Variants in SYN2 observed in about 807,000 individuals in gnomAD.
SYN2 encodes synapsin II, also known as synapsin-2.
SYN2 carries 19 observed loss-of-function variants against 50.9 expected under a neutral mutation model. The observed-to-expected ratio is 0.37, with a 90% CI of 0.26 to 0.55. The LOEUF is 0.55. Ranked by LOEUF, SYN2 falls within the 20% of genes least tolerant of loss-of-function variation. The pLI, the probability that SYN2 is intolerant of heterozygous loss-of-function variation, is 0.81. For missense variants in SYN2, 587 were observed against 576.4 expected, an observed-to-expected ratio of 1.02 and a Z score of -0.19; for synonymous variants, 255 against 224.9, an observed-to-expected ratio of 1.13 and a Z score of -1.20.
intron 1 of SYN2, among the ~76,000 whole-genome samples, chr3:12,139,740 A>G (rs1696973935): frequency 1.3e-5 from 2 of 152,224 alleles, no homozygotes; most frequent in South Asian, 4.1e-4. Flanking sequence ...AATTTCAAGC[A>G]CTGGAAAAGC....
At chr3:12,097,608 CA>C (rs35095165) in intron 1 of SYN2, among the ~76,000 whole-genome samples, 271 of 94,700 alleles carry the variant, frequency 2.9e-3, no homozygotes, top group Middle Eastern at 0.013. Flanking sequence ...TCCATCTCAA[CA>C]AAAAAAAAAA....
intron 1 of SYN2, among the ~76,000 whole-genome samples, chr3:12,013,835 G>A (rs1246175525): frequency 2.0e-5 from 3 of 152,004 alleles, no homozygotes; most frequent in African/African-American, 4.8e-5. Context: ...TTCTCCTGCC[G>A]TCTCTAATTA....
intron 1 of SYN2, among the ~76,000 whole-genome samples, chr3:12,034,352 A>G (rs939215176): frequency 1.3e-5 from 2 of 152,206 alleles, no homozygotes; most frequent in African/African-American, 2.4e-5. Context: ...AGAAATGTCT[A>G]TGCAATTCCT....
chr3:12,081,403 G>A (rs1695585169), intron 1 of SYN2, among the ~76,000 whole-genome samples: 1 of 151,852 alleles, frequency 6.6e-6, no homozygotes, highest in South Asian at 2.1e-4. Flanking sequence ...TGCTTTTTTG[G>A]CATTCCTTAT....
intron 1 of SYN2, among the ~76,000 whole-genome samples, chr3:12,013,176 C>G (rs112804617): frequency 3.9e-4 from 60 of 152,250 alleles, no homozygotes; most frequent in African/African-American, 1.4e-3. Context: ...GCTATGTTGC[C>G]TAGGCTAGTC....
At chr3:12,133,145 C>G (rs1696828388) in intron 1 of SYN2, among the ~76,000 whole-genome samples, 1 of 152,214 alleles carries the variant, frequency 6.6e-6, no homozygotes, top group African/African-American at 2.4e-5. Context: ...AACTAAGACA[C>G]CATGCAGCTT....
intron 1 of SYN2, among the ~76,000 whole-genome samples, chr3:12,089,718 T>C (rs930149238): frequency 2.6e-5 from 4 of 152,164 alleles, no homozygotes; most frequent in Admixed American, 6.5e-5. Flanking sequence ...ATTTGTGTTA[T>C]AGCAGCCTCT....
rs1696255139 is a variant in SYN2, at chr3:12,108,788, C to T, written c.378-31863C>T. Among the ~76,000 whole-genome samples the T allele has an allele frequency of 2.3e-5, 3 of 127,830 alleles. 1 individual carries two copies. Among genetic ancestry groups the T allele is most frequent in the South Asian group, 5.9e-4 (2 of 3,362 alleles). The allele number at this position is 127,830 out of a possible 152,430, so 83.9% of individuals were successfully genotyped here. On this transcript the variant is annotated intron_variant, in intron 1 of 12. Transcript: ENST00000621198. ...AAATCTTTCATAAATTATTTAGTCT[C>T]TTTGTTTGTTGGTTGGGTTTAAAAA...
At chr3:12,143,648 A>G (rs1697080014) in intron 3 of SYN2, among the ~76,000 whole-genome samples, 1 of 152,084 alleles carries the variant, frequency 6.6e-6, no homozygotes, top group Non-Finnish European at 1.5e-5. Flanking sequence ...GTTGTATTCC[A>G]TGGTGTATGC....
intron 5 of SYN2, among the ~76,000 whole-genome samples, chr3:12,156,470 C>G (rs1697460463): frequency 6.6e-6 from 1 of 152,190 alleles, no homozygotes; most frequent in South Asian, 2.1e-4. Flanking sequence ...AGTTGACCTG[C>G]AAGGAGCAGT....
chr3:12,172,754 C>CA (rs1697965178), intron 10 of SYN2, among the ~76,000 whole-genome samples: 1 of 152,166 alleles, frequency 6.6e-6, no homozygotes, highest in Admixed American at 6.5e-5. Flanking sequence ...CTGAGGGGCC[C>CA]ACTGTGAGTG....
At chr3:12,005,272 A>G (rs1693772858) in intron 1 of SYN2, among the ~76,000 whole-genome samples, 1 of 152,182 alleles carries the variant, frequency 6.6e-6, no homozygotes, top group South Asian at 2.1e-4. Flanking sequence ...TTAGACACAT[A>G]AAATCTGAAG....
intron 5 of SYN2, chr3:12,158,740 G>A (rs753830644): frequency 1.1e-5 from 17 of 1,609,018 alleles, no homozygotes; most frequent in East Asian, 4.5e-5. Flanking sequence ...AGGGTGCGCC[G>A]GGGCGCAGCT....
At position 12,113,546 on chromosome 3, in the gene SYN2, T is replaced by C. The variant is rs181731983; in HGVS notation, c.378-27105T>C. ...GTGCATTCACAGTGTTGTACAATCCTCACCACTATCTAATCCAGAAATTTC... is the reference window on the plus strand; with the variant it reads ...GTGCATTCACAGTGTTGTACAATCCCCACCACTATCTAATCCAGAAATTTC... On this transcript the variant is annotated intron_variant, in intron 1 of 12. Coordinates refer to ENST00000621198, the MANE Select transcript of SYN2 (RefSeq NM_133625.6). 1.8e-4 allele frequency among the ~76,000 whole-genome samples: 28 copies of C among 152,296 alleles called. No homozygotes were observed. The East Asian group carries it at 5.2e-3, about 28-fold the overall frequency.
In SYN2 at chr3:12,141,890, G is replaced by C; in HGVS notation, c.436-15G>C. ...GTCAGGATTGTGAACTTATTCCCCT[G>C]TTATTATTTTCCAGGCAGAATTTTC... On this transcript the variant is annotated splice_polypyrimidine_tract_variant and intron_variant, in intron 2 of 12. Transcript: ENST00000621198. The C allele has an allele frequency of 1.3e-6, 1 of 780,770 alleles. No individual in the cohort carries two copies. The highest frequency in any genetic ancestry group is 2.4e-6 in the Non-Finnish European group (1 of 417,910). The allele number at this position is 780,770 out of a possible 1,614,324, so 48.4% of individuals were successfully genotyped here. A position where few individuals can be genotyped will look rare whatever the true frequency, so the allele number is the denominator to read the frequency against.
intron 12 of SYN2, among the ~76,000 whole-genome samples, chr3:12,187,876 C>T (rs1257260983): frequency 6.6e-6 from 1 of 151,966 alleles, no homozygotes; most frequent in Non-Finnish European, 1.5e-5. Context: ...AATTCAACCC[C>T]CTTCCCTTTC....
In SYN2 at chr3:12,141,975, G is replaced by A. The variant is rs558065249; in HGVS notation, c.506G>A (p.Arg169Gln). 44 of 780,796 alleles carry A rather than the reference G, an allele frequency of 5.6e-5. 1 individual carries two copies. Among genetic ancestry groups the A allele is most frequent in the South Asian group, 5.1e-4 (38 of 74,616 alleles). The allele number at this position is 780,796 out of a possible 1,614,324, so 48.4% of individuals were successfully genotyped here. The change falls in exon 3 of 13, where the codon CGG becomes CAG. Residue 169 changes from arginine to glutamine, a missense_variant. Transcript: ENST00000621198. ...TATGCTGTGGATATGCAGGTTCTCC[G>A]GAATGGCACAAAGGTTGTCCGGTAA... ...GTYAVDMQVLRNGTKVVRSFR... is the reference protein window; with the variant it reads ...GTYAVDMQVLQNGTKVVRSFR...
chr3:12,072,345 T>C (rs1344759504), intron 1 of SYN2, among the ~76,000 whole-genome samples: 1 of 152,188 alleles, frequency 6.6e-6, no homozygotes, highest in Non-Finnish European at 1.5e-5. Flanking sequence ...AAAGTCCAAA[T>C]GTGTTTATTT....
chr3:12,008,301 G>T (rs1693840169), intron 1 of SYN2, among the ~76,000 whole-genome samples: 1 of 152,078 alleles, frequency 6.6e-6, no homozygotes, highest in South Asian at 2.1e-4. Context: ...CAGATATAAG[G>T]CAACAGATAT....
Sources: allele counts gnomAD v4.1 joint callset (sites outside exome capture counted in the v4.1 genomes callset), GRCh38; gene constraint gnomAD v4.1.1; transcripts MANE v1.5; gene names NCBI Gene and HGNC (gene_info 2026-07-23, HGNC 2026-07-21).